LRP12: variants seen among roughly 807,000 people sequenced by gnomAD.
The protein encoded by LRP12 is LDL receptor related protein 12, also known as low-density lipoprotein receptor-related protein 12.
LRP12 carries 14 observed loss-of-function variants against 66.0 expected under a neutral mutation model. The observed-to-expected ratio is 0.21, with a 90% CI of 0.14 to 0.33. The LOEUF is 0.33. Among genes scored for constraint, LRP12 ranks in the 10% least tolerant of loss-of-function variants. The probability of loss-of-function intolerance (pLI) is 1.00; values close to 1 mark genes in which losing one functional copy is unlikely to be tolerated. For missense variants in LRP12, 889 were observed against 1,053.4 expected (o/e 0.84, Z 2.16); for synonymous variants, 357 against 359.1 (o/e 0.99, Z 0.07).
intron 2 of LRP12, among the ~76,000 whole-genome samples, chr8:104,513,028 T>A (rs1811019963): frequency 6.6e-6 from 1 of 152,192 alleles, no homozygotes; most frequent in Non-Finnish European, 1.5e-5. Flanking sequence ...ATGACTGAAT[T>A]TGGAATCTGG....
intron 3 of LRP12, among the ~76,000 whole-genome samples, chr8:104,503,284 G>A (rs112122024): frequency 0.014 from 1,740 of 126,844 alleles, 32 homozygotes; most frequent in African/African-American, 0.047. Flanking sequence ...CCAAGATGGC[G>A]CCACTGCACT....
At chr8:104,504,191 AC>A (rs1810871407) in intron 3 of LRP12, 1 of 152,054 alleles carries the variant, frequency 6.6e-6, no homozygotes, top group Non-Finnish European at 1.5e-5. Context: ...TTCTCTTATG[AC>A]ATTAAAAATT....
intron 1 of LRP12, among the ~76,000 whole-genome samples, chr8:104,557,861 C>T (rs761134831): frequency 5.3e-5 from 8 of 152,144 alleles, no homozygotes; most frequent in Non-Finnish European, 1.0e-4. Context: ...CATGACCTGA[C>T]TTCAAACTAT....
chr8:104,538,960 G>A (rs149483301), intron 1 of LRP12, among the ~76,000 whole-genome samples: 220 of 152,128 alleles, frequency 1.4e-3, no homozygotes, highest in African/African-American at 5.0e-3. Context: ...AAAAGCAAAC[G>A]ACAGAGGACC....
At chr8:104,494,146 C>G (rs1405912636) in intron 6 of LRP12, among the ~76,000 whole-genome samples, 1 of 152,034 alleles carries the variant, frequency 6.6e-6, no homozygotes, top group Non-Finnish European at 1.5e-5. Flanking sequence ...TAACTGTGAT[C>G]TGATTCTTAC....
At chr8:104,533,648 A>T (rs561420609) in intron 1 of LRP12, among the ~76,000 whole-genome samples, 1 of 152,200 alleles carries the variant, frequency 6.6e-6, no homozygotes, top group South Asian at 2.1e-4. Flanking sequence ...TCTGTAAGAT[A>T]GCATATTATG....
chr8:104,497,688 T>A lies in LRP12; in HGVS notation c.864A>T (p.Leu288Phe), dbSNP rs1285761294. 6.2e-7 allele frequency: 1 copy of A among 1,614,140 alleles called. No individual in the cohort carries two copies. Residue 288 changes from leucine (L) to phenylalanine (F), a missense_variant, in exon 5 of 7, where the codon TTA becomes TTT. This residue lies in a region of LRP12 where 800 missense variants were observed against 964.5 expected (regional missense o/e 0.83). Transcript: ENST00000276654. This position sits in a 1 kb window ranked among gnomAD's most constrained non-coding sequence, Gnocchi z 4.3. Reference sequence around the variant, plus strand: ...CTTTACGGTGATCACCAGTGTCTATTAACCAGGTGCAATTGCTTCCAGGAG... The same window carrying A: ...CTTTACGGTGATCACCAGTGTCTATAAACCAGGTGCAATTGCTTCCAGGAG... ...FYPPGSNCTW[L>F]IDTGDHRKVI...
rs1470671134 is a variant in LRP12 at position 104,531,829 on chromosome 8, T to G, written c.136+78A>C. On this transcript the variant is annotated intron_variant, in intron 2 of 6. Transcript: ENST00000276654. ...ATAATTTTTATAGCCAAATATCACT[T>G]CGTAAGATACCAGGTGGCTTTCAAT... 5 of 916,464 alleles carry G rather than the reference T, an allele frequency of 5.5e-6. No homozygotes were observed. In the East Asian group the frequency reaches 1.3e-4, roughly 23 times the overall value. 56.8% of individuals were successfully genotyped at this position (916,464 alleles called of 1,614,324 possible).
At chr8:104,586,032 T>C (rs1484069109) in intron 1 of LRP12, among the ~76,000 whole-genome samples, 2 of 151,874 alleles carry the variant, frequency 1.3e-5, no homozygotes, top group African/African-American at 2.4e-5. Context: ...CTGATATTTT[T>C]ATCCCTTCAA....
At chr8:104,586,533 C>G (rs1812335855) in intron 1 of LRP12, among the ~76,000 whole-genome samples, 1 of 152,194 alleles carries the variant, frequency 6.6e-6, no homozygotes, top group African/African-American at 2.4e-5. Flanking sequence ...AGGACAGTTT[C>G]ATAAATTACA....
intron 2 of LRP12, among the ~76,000 whole-genome samples, chr8:104,511,721 A>G (rs1811000370): frequency 6.6e-6 from 1 of 152,208 alleles, no homozygotes. Flanking sequence ...AAGCTTTAAA[A>G]GTATATTCTA....
At chr8:104,582,284 CTATT>C (rs1222010684) in intron 1 of LRP12, among the ~76,000 whole-genome samples, 1 of 152,018 alleles carries the variant, frequency 6.6e-6, no homozygotes, top group African/African-American at 2.4e-5. Context: ...GAGTTATTAA[CTATT>C]TAAGAGGAAA....
intron 1 of LRP12, among the ~76,000 whole-genome samples, chr8:104,554,605 A>C (rs1293792105): frequency 6.6e-6 from 1 of 152,112 alleles, no homozygotes; most frequent in Non-Finnish European, 1.5e-5. Flanking sequence ...AAATGAACAA[A>C]GACTCCAAGA....
chr8:104,560,547 C>G (rs561703805), intron 1 of LRP12, among the ~76,000 whole-genome samples: 1 of 152,066 alleles, frequency 6.6e-6, no homozygotes, highest in Non-Finnish European at 1.5e-5. Flanking sequence ...AGTATATGAG[C>G]CTTGACATCA....
chr8:104,556,536 C>T (rs1269104632), intron 1 of LRP12, among the ~76,000 whole-genome samples: 1 of 151,908 alleles, frequency 6.6e-6, no homozygotes, highest in Non-Finnish European at 1.5e-5. Context: ...ATGAGAAAAC[C>T]TAGAGAAGAT....
rs1180674672 is a variant in LRP12 at position 104,540,789 on chromosome 8, T to A, written c.80-8826A>T. On this transcript the variant is annotated intron_variant, in intron 1 of 6. Coordinates refer to ENST00000276654, the MANE Select transcript of LRP12 (RefSeq NM_013437.5). Reference sequence around the variant, plus strand: ...TCGCTCTGTCGCTAGGCTAGAGTGCTGTGGCACGATCTCAGCTCACTGCAA... The same window carrying A: ...TCGCTCTGTCGCTAGGCTAGAGTGCAGTGGCACGATCTCAGCTCACTGCAA... Among the ~76,000 whole-genome samples, 2 of 152,208 alleles carry A rather than the reference T, an allele frequency of 1.3e-5. 1 individual carries two copies. The highest frequency in any genetic ancestry group is 4.8e-5 in the African/African-American group (2 of 41,462).
At chr8:104,561,474 G>C (rs73295179) in intron 1 of LRP12, among the ~76,000 whole-genome samples, 1,838 of 152,246 alleles carry the variant, frequency 0.012, 35 homozygotes, top group African/African-American at 0.041. Context: ...TTTCATTAGG[G>C]TTGGCAAAAT....
At chr8:104,533,749 C>G (rs1304560496) in intron 1 of LRP12, among the ~76,000 whole-genome samples, 1 of 151,954 alleles carries the variant, frequency 6.6e-6, no homozygotes, top group Non-Finnish European at 1.5e-5. Context: ...CTCTTGGGCT[C>G]AAGCAATCCT....
intron 6 of LRP12, 21 bp from the exon 7 acceptor site, chr8:104,491,560 C>G (rs762985324): frequency 1.4e-6 from 2 of 1,471,246 alleles, no homozygotes; most frequent in Non-Finnish European, 1.8e-6. Flanking sequence ...AAGAAAAGAT[C>G]TTAAGATAGT....
Sources: gnomAD v4.1 joint callset for allele counts (sites outside exome capture counted in the v4.1 genomes callset) on GRCh38, gnomAD v4.1.1 for gene constraint, gnomAD v4.1.1 regional missense constraint, Gnocchi (gnomAD v3.1) non-coding constraint, MANE v1.5 for transcripts, NCBI Gene and HGNC (gene_info 2026-07-23, HGNC 2026-07-21) for gene names.